EPS8: variants seen among roughly 807,000 people sequenced by gnomAD.
EPS8 encodes the protein epidermal growth factor receptor kinase substrate 8.
In EPS8, 42 loss-of-function variants were observed where a neutral mutation model predicts 103.8. The observed-to-expected ratio is 0.40, with a 90% CI of 0.32 to 0.52. The LOEUF (loss-of-function observed/expected upper bound fraction) is 0.52. Among genes scored for constraint, EPS8 ranks in the 20% least tolerant of loss-of-function variants. The pLI is 0.40. For synonymous variants in EPS8, 344 were observed against 344.6 expected (o/e 1.00, Z 0.02); for missense variants, 969 against 1,005.1 (o/e 0.96, Z 0.49).
At chr12:15,632,097 TTTTTAA>T (rs1425143761) in intron 17 of EPS8, among the ~76,000 whole-genome samples, 1 of 152,216 alleles carries the variant, frequency 6.6e-6, no homozygotes, top group Non-Finnish European at 1.5e-5. Flanking sequence ...TATTCAAAGA[TTTTTAA>T]TTTTGTTTCC....
intron 1 of EPS8, among the ~76,000 whole-genome samples, chr12:15,742,252 T>C (rs1946832581): frequency 6.6e-6 from 1 of 152,198 alleles, no homozygotes; most frequent in Non-Finnish European, 1.5e-5. Flanking sequence ...CTGGGTCAAA[T>C]AGTATTTCTA....
rs1267546860 is a variant in EPS8, at chr12:15,760,892, C to T, written c.-22+28269G>A. Among the ~76,000 whole-genome samples, 1 of 151,984 alleles carries T rather than the reference C, an allele frequency of 6.6e-6. No individual in the cohort carries two copies. The highest frequency in any genetic ancestry group is 1.9e-4 in the East Asian group (1 of 5,196). On this transcript the variant is annotated intron_variant, in intron 1 of 20. Coordinates refer to ENST00000281172, the MANE Select transcript of EPS8 (RefSeq NM_004447.6). This position sits in a 1 kb window ranked among gnomAD's most constrained non-coding sequence, Gnocchi z 4.5. ...AGCCTTTCCTCTAAGATCTGGCACACAGGAAGTATGCCCACTTTCACCATT... is the reference window on the plus strand; with the variant it reads ...AGCCTTTCCTCTAAGATCTGGCACATAGGAAGTATGCCCACTTTCACCATT...
chr12:15,630,011 T>C (rs1430270243), intron 18 of EPS8, among the ~76,000 whole-genome samples: 2 of 152,238 alleles, frequency 1.3e-5, no homozygotes, highest in East Asian at 3.9e-4. Flanking sequence ...AGAGATGAGT[T>C]TTAATACGAT....
intron 12 of EPS8, among the ~76,000 whole-genome samples, chr12:15,656,558 C>T (rs1022968265): frequency 4.6e-5 from 7 of 152,032 alleles, no homozygotes; most frequent in Non-Finnish European, 1.0e-4. Flanking sequence ...TCTACTTATC[C>T]CTGGGGAAAG....
chr12:15,660,969 G>T (rs1447363269), intron 9 of EPS8, among the ~76,000 whole-genome samples: 6 of 152,122 alleles, frequency 3.9e-5, no homozygotes, highest in Admixed American at 3.9e-4. Context: ...CATCAAGGAA[G>T]CATTCACAAT....
At position 15,759,020 on chromosome 12, in the gene EPS8, T is replaced by A. The variant is rs1413955517; in HGVS notation, c.-22+30141A>T. Among the ~76,000 whole-genome samples, 2 of 151,564 alleles carry A rather than the reference T, an allele frequency of 1.3e-5. No individual in the cohort carries two copies. The highest frequency in any genetic ancestry group is 3.9e-4 in the East Asian group (2 of 5,180). ...CCTGGATTCTGGATTCTTCTACAGA[T>A]TTTTTTTTAAAATTTTTTAATTAAA... On this transcript the variant is annotated intron_variant, in intron 1 of 20. Transcript: ENST00000281172. This position sits in a 1 kb window ranked among gnomAD's most constrained non-coding sequence, Gnocchi z 4.9.
rs747040945 is a variant in EPS8 at position 15,717,794 on chromosome 12, CAG to C, written c.-21-34824_-21-34823del. On this transcript the variant is annotated intron_variant, in intron 1 of 20. Transcript: ENST00000281172. The surrounding 1 kb of genome is among the most constrained non-coding windows in gnomAD (Gnocchi z 4.3). ...AAAAATGAACCGCAAAATTATGTAA[CAG>C]GGAATATAAATGAACAAAATGGTAG... Among the ~76,000 whole-genome samples the C allele has an allele frequency of 2.2e-4, 33 of 152,124 alleles. No individual in the cohort carries two copies. The highest frequency in any genetic ancestry group is 3.7e-4 in the Non-Finnish European group (25 of 68,016).
chr12:15,658,287 T>C (rs1945543841), intron 11 of EPS8, 134 bp from the exon 12 acceptor site: 4 of 682,982 alleles, frequency 5.9e-6, no homozygotes, highest in South Asian at 3.8e-5. Context: ...ATGGATAGAG[T>C]GAGAATAGAA....
intron 17 of EPS8, among the ~76,000 whole-genome samples, chr12:15,636,355 A>G (rs986992455): frequency 6.6e-6 from 1 of 152,016 alleles, no homozygotes; most frequent in Admixed American, 6.6e-5. Context: ...ATCTTTTGTA[A>G]ATTTTTATTA....
rs1296734268 is a variant in EPS8 at position 15,772,509 on chromosome 12, T to C, written c.-22+16652A>G. Among the ~76,000 whole-genome samples the C allele has an allele frequency of 6.6e-6, 1 of 152,142 alleles. No homozygotes were observed. Among genetic ancestry groups the C allele is most frequent in the Non-Finnish European group, 1.5e-5 (1 of 68,030 alleles). On this transcript the variant is annotated intron_variant, in intron 1 of 20. Transcript: ENST00000281172. The surrounding 1 kb of genome is among the most constrained non-coding windows in gnomAD (Gnocchi z 5.0). ...GAAAATCCAGAAACTTTTCAACTTG[T>C]GAGTGTTCTGAGAATACACAAAACC...
rs564625868 is a variant in EPS8 at position 15,757,702 on chromosome 12, C to T, written c.-22+31459G>A. Among the ~76,000 whole-genome samples the T allele has an allele frequency of 6.6e-6, 1 of 152,228 alleles. No individual in the cohort carries two copies. Among genetic ancestry groups the T allele is most frequent in the East Asian group, 1.9e-4 (1 of 5,182 alleles). ...TTAAGTGATCAAGCCTCATCAGTAA[C>T]AAGTCACACTGACATTACATGCCCC... On this transcript the variant is annotated intron_variant, in intron 1 of 20. Coordinates refer to ENST00000281172, the MANE Select transcript of EPS8 (RefSeq NM_004447.6). The surrounding 1 kb of genome is among the most constrained non-coding windows in gnomAD (Gnocchi z 4.1).
chr12:15,651,097 C>T, intron 13 of EPS8, 91 bp from the exon 14 acceptor site: 1 of 966,392 alleles, frequency 1.0e-6, no homozygotes, highest in Non-Finnish European at 1.6e-6. Flanking sequence ...CATACACACG[C>T]ACACACACAT....
intron 17 of EPS8, among the ~76,000 whole-genome samples, chr12:15,632,936 G>T (rs1376971686): frequency 6.6e-6 from 1 of 152,158 alleles, no homozygotes; most frequent in Non-Finnish European, 1.5e-5. Context: ...TGGGGTCAAG[G>T]AAGTGGGAAG....
At chr12:15,743,938 G>T (rs913217409) in intron 1 of EPS8, among the ~76,000 whole-genome samples, 2 of 152,134 alleles carry the variant, frequency 1.3e-5, no homozygotes, top group African/African-American at 4.8e-5. Flanking sequence ...AAGAGCTTCT[G>T]CACAGCAAAA....
At chr12:15,657,127 A>G (rs1945521046) in intron 12 of EPS8, among the ~76,000 whole-genome samples, 1 of 152,080 alleles carries the variant, frequency 6.6e-6, no homozygotes, top group African/African-American at 2.4e-5. Context: ...TACCCTGCTG[A>G]TATCATCTCT....
At chr12:15,674,403 A>C (rs537449845) in intron 3 of EPS8, among the ~76,000 whole-genome samples, 41 of 152,288 alleles carry the variant, frequency 2.7e-4, no homozygotes, top group Admixed American at 1.2e-3. Flanking sequence ...TTTCAACCAC[A>C]GTAAGGGAGA....
At chr12:15,678,914 CAAAAAAAA>C (rs34794895) in intron 3 of EPS8, among the ~76,000 whole-genome samples, 1 of 54,738 alleles carries the variant, frequency 1.8e-5, no homozygotes, top group African/African-American at 6.2e-5. Flanking sequence ...ACTCTGTCTC[CAAAAAAAA>C]AAAAAAAAAA....
rs1019001612 is a variant in EPS8, at chr12:15,702,482, C to G, written c.-21-19510G>C. Among the ~76,000 whole-genome samples, 2 of 151,966 alleles carry G rather than the reference C, an allele frequency of 1.3e-5. No homozygotes were observed. Among genetic ancestry groups the G allele is most frequent in the African/African-American group, 4.8e-5 (2 of 41,340 alleles). ...AGTGTGGATTATGAGATACTTTCTC[C>G]TAGGATAAGAGGACTCTGGGGTAAT... On this transcript the variant is annotated intron_variant, in intron 1 of 20. Coordinates refer to ENST00000281172, the MANE Select transcript of EPS8 (RefSeq NM_004447.6). The surrounding 1 kb of genome is among the most constrained non-coding windows in gnomAD (Gnocchi z 5.1).
chr12:15,732,791 G>A (rs1946731227), intron 1 of EPS8: 1 of 979,874 alleles, frequency 1.0e-6, no homozygotes. Context: ...GGCCACAGGA[G>A]AATAAAACTC....
Sources: allele counts gnomAD v4.1 joint callset (sites outside exome capture counted in the v4.1 genomes callset), GRCh38; gene constraint gnomAD v4.1.1; non-coding constraint Gnocchi (gnomAD v3.1); transcripts MANE v1.5; gene names NCBI Gene and HGNC (gene_info 2026-07-23, HGNC 2026-07-21).